Variants in ABLIM3 observed in about 807,000 individuals in gnomAD.
The protein encoded by ABLIM3 is actin-binding LIM protein 3.
Under a neutral mutation model 109.5 loss-of-function variants are expected in ABLIM3, and 61 were observed. The ratio of observed to expected loss-of-function variants is 0.56; its 90% CI spans 0.45 to 0.69. ABLIM3 has a LOEUF of 0.69. Ranked by LOEUF, ABLIM3 falls within the 30% of genes least tolerant of loss-of-function variation. ABLIM3 has a pLI of 0.00. For missense variants in ABLIM3, 796 were observed against 889.5 expected (o/e 0.89, Z 1.34); for synonymous variants, 300 against 324.8 (o/e 0.92, Z 0.82).
intron 13 of ABLIM3, 164 bp from the exon 14 acceptor site, chr5:149,240,512 G>A (rs1277590638): frequency 1.6e-6 from 1 of 625,336 alleles, no homozygotes; most frequent in Non-Finnish European, 2.9e-6. Flanking sequence ...TGGTGCATGA[G>A]AGCACATGCT....
chr5:149,169,376 G>C (rs1755156285), intron 2 of ABLIM3, among the ~76,000 whole-genome samples: 1 of 152,002 alleles, frequency 6.6e-6, no homozygotes, highest in African/African-American at 2.4e-5. Context: ...GGACTCCAGG[G>C]CTGCAGTTCC....
chr5:149,152,185 G>A (rs981425870), intron 2 of ABLIM3, among the ~76,000 whole-genome samples: 2 of 152,118 alleles, frequency 1.3e-5, no homozygotes, highest in Non-Finnish European at 1.5e-5. Flanking sequence ...TTTGGATGGG[G>A]TATATACTTA....
intron 14 of ABLIM3, 73 bp from the exon 15 acceptor site, chr5:149,242,418 T>C: frequency 6.8e-7 from 1 of 1,475,516 alleles, no homozygotes; most frequent in Non-Finnish European, 9.5e-7. Flanking sequence ...GACCAAGTAC[T>C]ATCTCCTTTT....
At position 149,237,549 on chromosome 5, in the gene ABLIM3, G is replaced by A; in HGVS notation, c.990G>A (p.Glu330=). The A allele has an allele frequency of 1.2e-6, 2 of 1,614,164 alleles. No individual in the cohort carries two copies. The highest frequency in any genetic ancestry group is 1.7e-6 in the Non-Finnish European group (2 of 1,180,034). ...AACGCCCCGACCTCATTTCCTATGA[G>A]CCTCATTCCAGATACATGTCCGACG... ...EVQRPDLISY[E]PHSRYMSDEM... The change falls in exon 11 of 24, where the codon GAG becomes GAA. Residue 330 remains glutamate (E), a synonymous_variant. Transcript: ENST00000309868.
intron 2 of ABLIM3, among the ~76,000 whole-genome samples, chr5:149,172,343 G>A (rs1440339447): frequency 6.6e-6 from 1 of 152,166 alleles, no homozygotes; most frequent in Non-Finnish European, 1.5e-5. Flanking sequence ...ACATATTCGT[G>A]TACTGAGTCA....
intron 8 of ABLIM3, chr5:149,220,010 C>T (rs1026950992): frequency 7.9e-5 from 12 of 152,170 alleles, no homozygotes; most frequent in African/African-American, 2.9e-4. Flanking sequence ...TTGGGCAAGT[C>T]TCGTAACTCT....
intron 3 of ABLIM3, among the ~76,000 whole-genome samples, chr5:149,195,625 A>G (rs1399113842): frequency 1.3e-5 from 2 of 151,494 alleles, no homozygotes; most frequent in Admixed American, 6.6e-5. Flanking sequence ...AAAGGAGAGA[A>G]AAAAAAAAGG....
In ABLIM3 at chr5:149,201,038, T is replaced by C. The variant is rs75742070; in HGVS notation, c.448+610T>C. Among the ~76,000 whole-genome samples, 1,333 of 152,262 alleles carry C rather than the reference T, an allele frequency of 8.8e-3. 38 individuals are homozygous for C. Among genetic ancestry groups the C allele is most frequent in the East Asian group, 0.079 (411 of 5,176 alleles). On this transcript the variant is annotated intron_variant, in intron 5 of 23. Transcript: ENST00000309868. Reference sequence around the variant, plus strand: ...GAGATTCAGAACCACTGTCTAGGGATAAAGGCAGCATCTGTCATGCCATGA... The same window carrying C: ...GAGATTCAGAACCACTGTCTAGGGACAAAGGCAGCATCTGTCATGCCATGA...
intron 8 of ABLIM3, chr5:149,219,472 C>A (rs1760427361): frequency 6.6e-6 from 1 of 152,252 alleles, no homozygotes; most frequent in Non-Finnish European, 1.5e-5. Flanking sequence ...CTGTAAAGTG[C>A]CAACCCTCAT....
intron 9 of ABLIM3, among the ~76,000 whole-genome samples, chr5:149,232,647 C>T (rs1761969559): frequency 6.6e-6 from 1 of 152,194 alleles, no homozygotes; most frequent in South Asian, 2.1e-4. Flanking sequence ...CCTGTGGGTC[C>T]TTGATTCCTA....
At chr5:149,217,676 C>T (rs146668297) in intron 8 of ABLIM3, 6 of 152,810 alleles carry the variant, frequency 3.9e-5, no homozygotes, top group African/African-American at 9.6e-5. Flanking sequence ...CAGGGCATCA[C>T]GTGCTCTTGG....
chr5:149,254,150 A>C (rs1470143896), intron 23 of ABLIM3, among the ~76,000 whole-genome samples: 1 of 152,132 alleles, frequency 6.6e-6, no homozygotes, highest in African/African-American at 2.4e-5. Flanking sequence ...ATTACAATTC[A>C]GGGTGAGATT....
At chr5:149,169,896 T>C (rs1755209795) in intron 2 of ABLIM3, among the ~76,000 whole-genome samples, 1 of 152,228 alleles carries the variant, frequency 6.6e-6, no homozygotes, top group African/African-American at 2.4e-5. Flanking sequence ...ATTGTGATTT[T>C]GATGGAGAAC....
chr5:149,183,601 A>C lies in ABLIM3; in HGVS notation c.151+12A>C. On this transcript the variant is annotated intron_variant, in intron 3 of 23. Transcript: ENST00000309868. Reference sequence around the variant, plus strand: ...CTTCACCTGTCAAGGTAGGAGGCTCAGCTCCCCCACTCTCTTCTTAGATTC... The same window carrying C: ...CTTCACCTGTCAAGGTAGGAGGCTCCGCTCCCCCACTCTCTTCTTAGATTC... The C allele has an allele frequency of 2.6e-6, 4 of 1,522,476 alleles. No homozygotes were observed. The highest frequency in any genetic ancestry group is 2.6e-6 in the Non-Finnish European group (3 of 1,134,262). The allele number at this position is 1,522,476 out of a possible 1,614,324, so 94.3% of individuals were successfully genotyped here. A position where few individuals can be genotyped will look rare whatever the true frequency, so the allele number is the denominator to read the frequency against.
intron 7 of ABLIM3, among the ~76,000 whole-genome samples, chr5:149,211,117 A>C (rs1009961077): frequency 1.4e-4 from 21 of 152,222 alleles, no homozygotes; most frequent in African/African-American, 4.8e-4. Flanking sequence ...TTTTCCTCCC[A>C]GCCCTGCCGG....
intron 2 of ABLIM3, among the ~76,000 whole-genome samples, chr5:149,161,050 T>G (rs1454528348): frequency 1.3e-5 from 2 of 152,198 alleles, no homozygotes; most frequent in Non-Finnish European, 2.9e-5. Flanking sequence ...TTTCTTGGGT[T>G]TTCCGGGTGT....
chr5:149,200,472 T>A, intron 5 of ABLIM3, 44 bp downstream of exon 5: 1 of 1,583,138 alleles, frequency 6.3e-7, no homozygotes, highest in Non-Finnish European at 8.7e-7. Flanking sequence ...GGGTGTGATC[T>A]CTCTGGGCTC....
chr5:149,229,040 A>G (rs1213058571), intron 8 of ABLIM3, among the ~76,000 whole-genome samples: 1 of 152,148 alleles, frequency 6.6e-6, no homozygotes, highest in Non-Finnish European at 1.5e-5. Context: ...CATTTCCTAC[A>G]GTGACCTGTA....
intron 3 of ABLIM3, among the ~76,000 whole-genome samples, chr5:149,196,795 G>T (rs1437343134): frequency 1.3e-5 from 2 of 152,158 alleles, no homozygotes; most frequent in African/African-American, 4.8e-5. Context: ...TTTCTGCTCT[G>T]CCCATCATGT....
Sources: allele counts gnomAD v4.1 joint callset (sites outside exome capture counted in the v4.1 genomes callset), GRCh38; gene constraint gnomAD v4.1.1; transcripts MANE v1.5; gene names NCBI Gene and HGNC (gene_info 2026-07-23, HGNC 2026-07-21).